The following ACP4 variants were observed in gnomAD, a reference collection of about 807,000 sequenced individuals.
ACP4 encodes the protein acid phosphatase 4.
ACP4 carries 49 observed loss-of-function variants against 47.3 expected under a neutral mutation model. The ratio of observed to expected loss-of-function variants is 1.04; its 90% confidence interval spans 0.82 to 1.32. The LOEUF is 1.32. Among genes scored for constraint, ACP4 ranks in the 40% most tolerant of loss-of-function variants. The probability of loss-of-function intolerance (pLI) is 0.00; values close to 1 mark genes in which losing one functional copy is unlikely to be tolerated. For missense variants in ACP4, 594 were observed against 579.3 expected (o/e 1.03, Z -0.26); for synonymous variants, 299 against 265.3 (o/e 1.13, Z -1.23).
Position 50,793,948 on chromosome 19 carries a change from T to G in ACP4, c.839T>G (p.Leu280Arg), listed in dbSNP as rs1246177714. Residue 280 changes from leucine (L) to arginine (R), a missense_variant, in exon 8 of 11, where the codon CTC becomes CGC. By Grantham distance (102) the Leu-to-Arg change is moderately radical (BLOSUM62 -2). Coordinates refer to ENST00000270593, the MANE Select transcript of ACP4 (RefSeq NM_033068.3). ...CGGGTCCAGCGCCTGGGGCTGCCCC[T>G]CAAGATGGTCATGTACTCAGCTGTG... Reference protein sequence around the residue: ...FSRVQRLGLPLKMVMYSAHDS... With the variant: ...FSRVQRLGLPRKMVMYSAHDS... 3.1e-6 allele frequency: 5 copies of G among 1,614,032 alleles called. No individual in the cohort carries two copies. The highest frequency in any genetic ancestry group is 4.2e-6 in the Non-Finnish European group (5 of 1,180,016).
In ACP4 at chr19:50,791,653, C is replaced by T; in HGVS notation, c.304-3C>T. 6.2e-7 allele frequency: 1 copy of T among 1,608,870 alleles called. No homozygotes were observed. Among genetic ancestry groups the T allele is most frequent in the Non-Finnish European group, 8.5e-7 (1 of 1,176,540 alleles). On this transcript the variant is annotated splice_polypyrimidine_tract_variant and splice_region_variant and intron_variant, in intron 3 of 10. Transcript: ENST00000270593. ...CGCGTGCCCTCTCTCCACCCCGCTCCAGGTGTACATCCGCAGCACGGACTT... is the reference window on the plus strand; with the variant it reads ...CGCGTGCCCTCTCTCCACCCCGCTCTAGGTGTACATCCGCAGCACGGACTT...
At position 50,791,822 on chromosome 19, in the gene ACP4, G is replaced by C. The variant is rs772355083; in HGVS notation, c.450+20G>C. ...GATAAGGTCAGGGGGCTGGACCCAC[G>C]TGTGGCGAGGGAGGGAGCGGGTGGA... On this transcript the variant is annotated intron_variant, in intron 4 of 10. Coordinates refer to ENST00000270593, the MANE Select transcript of ACP4 (RefSeq NM_033068.3). 2 of 1,573,592 alleles carry C rather than the reference G, an allele frequency of 1.3e-6. No homozygotes were observed. Among genetic ancestry groups the C allele is most frequent in the Non-Finnish European group, 1.7e-6 (2 of 1,156,830 alleles).
chr19:50,791,536 CAT>C (rs2089506326), intron 3 of ACP4, 118 bp from the exon 4 acceptor site: 5 of 1,393,764 alleles, frequency 3.6e-6, no homozygotes, highest in East Asian at 2.3e-5. Context: ...TCGAAGGCCA[CAT>C]GATTCTCAGT....
Position 50,794,469 on chromosome 19 carries a change from C to G in ACP4, c.874C>G (p.Leu292Val), listed in dbSNP as rs1469840222. 11 of 1,613,528 alleles carry G rather than the reference C, an allele frequency of 6.8e-6. No individual in the cohort carries two copies. Among genetic ancestry groups the G allele is most frequent in the South Asian group, 4.4e-5 (4 of 91,086 alleles). Reference protein sequence around the residue: ...MVMYSAHDSTLLALQGALGLY... With the variant: ...MVMYSAHDSTVLALQGALGLY... ...GGTCCACCTGCAGCATGACAGCACC[C>G]TGCTGGCCCTCCAGGGGGCCCTGGG... Residue 292 changes from leucine (L) to valine (V), a missense_variant, in exon 9 of 11, where the codon CTG (leucine) becomes GTG (valine). By Grantham distance (32) the Leu-to-Val change is conservative (BLOSUM62 1). Transcript: ENST00000270593.
chr19:50,794,997 G>C lies in ACP4; in HGVS notation c.1165+33G>C, dbSNP rs773566675. ...TCCTCTGTGTTGGGGTGGGAGTGGA[G>C]GGTTGCCAAGTCCTGGCACTCACCC... On this transcript the variant is annotated intron_variant, in intron 10 of 10. Transcript: ENST00000270593. The C allele has an allele frequency of 3.7e-6, 6 of 1,613,284 alleles. No individual in the cohort carries two copies. The Admixed American group carries it at 1.0e-4, about 27-fold the overall frequency.
chr19:50,794,961 C>G lies in ACP4; in HGVS notation c.1162C>G (p.Pro388Ala), dbSNP rs763447319. The G allele has an allele frequency of 1.3e-5, 21 of 1,613,002 alleles. No homozygotes were observed. The highest frequency in any genetic ancestry group is 1.5e-5 in the Non-Finnish European group (18 of 1,179,710). ...TGGCCCCTATGAGGCTGCCATCCCC[C>G]CAGGTGACAGTCCTCTGTGTTGGGG... ...CHGPYEAAIP[P>A]APVVPLLAGA... Residue 388 changes from proline to alanine, a missense_variant, in exon 10 of 11, where the codon CCA becomes GCA. Coordinates refer to ENST00000270593, the MANE Select transcript of ACP4 (RefSeq NM_033068.3).
rs368636631 is a variant in ACP4, at chr19:50,791,649, G to A, written c.304-7G>A. 129 of 1,607,008 alleles carry A rather than the reference G, an allele frequency of 8.0e-5. No individual in the cohort carries two copies. The highest frequency in any genetic ancestry group is 3.3e-4 in the Middle Eastern group (2 of 6,072). ...CCCCCGCGTGCCCTCTCTCCACCCCGCTCCAGGTGTACATCCGCAGCACGG... is the reference window on the plus strand; with the variant it reads ...CCCCCGCGTGCCCTCTCTCCACCCCACTCCAGGTGTACATCCGCAGCACGG... On this transcript the variant is annotated splice_polypyrimidine_tract_variant and splice_region_variant and intron_variant, in intron 3 of 10. Transcript: ENST00000270593.
rs2089507739 is a variant in ACP4, at chr19:50,791,643, C to T, written c.304-13C>T. ...CACGACCCCCCGCGTGCCCTCTCTCCACCCCGCTCCAGGTGTACATCCGCA... is the reference window on the plus strand; with the variant it reads ...CACGACCCCCCGCGTGCCCTCTCTCTACCCCGCTCCAGGTGTACATCCGCA... On this transcript the variant is annotated splice_polypyrimidine_tract_variant and intron_variant, in intron 3 of 10. Transcript: ENST00000270593. 1 of 1,604,550 alleles carries T rather than the reference C, an allele frequency of 6.2e-7. No individual in the cohort carries two copies. The highest frequency in any genetic ancestry group is 8.5e-7 in the Non-Finnish European group (1 of 1,173,592).
chr19:50,793,532 C>CA (rs1461454129), intron 6 of ACP4, 152 bp from the exon 7 acceptor site: 9 of 1,178,086 alleles, frequency 7.6e-6, no homozygotes, highest in Non-Finnish European at 9.4e-6. Context: ...AAAACAACAA[C>CA]AAAAAAACAC....
At chr19:50,791,864 G>A in intron 4 of ACP4, 62 bp downstream of exon 4, 1 of 1,522,388 alleles carries the variant, frequency 6.6e-7, no homozygotes, top group Non-Finnish European at 8.9e-7. Flanking sequence ...GGCAGCTCTG[G>A]GTCTGGCCGC....
At chr19:50,792,389 C>T (rs764586804) in intron 6 of ACP4, 52 bp downstream of exon 6, 21 of 1,564,462 alleles carry the variant, frequency 1.3e-5, no homozygotes, top group Non-Finnish European at 1.8e-5. Context: ...GTTTCCAATC[C>T]CAGCTTGCTA....
chr19:50,792,378 T>A, intron 6 of ACP4, 41 bp downstream of exon 6: 1 of 1,591,516 alleles, frequency 6.3e-7, no homozygotes, highest in East Asian at 2.2e-5. Context: ...TAAGGACACC[T>A]GTTTCCAATC....
rs1320635828 is a variant in ACP4 at position 50,790,849 on chromosome 19, C to T, written c.292C>T (p.Arg98Trp). Residue 98 changes from arginine (R) to tryptophan (W), a missense_variant, in exon 3 of 11, where the codon CGG becomes TGG. Arg to Trp is a moderately radical substitution (Grantham distance 101). Coordinates refer to ENST00000270593, the MANE Select transcript of ACP4 (RefSeq NM_033068.3). The stretch of plus-strand genomic sequence containing the variant: ...CGAGGCCTTCCTGAGTCCGGAGTAC[C>T]GGCGGGAGGAGGTAGGGCCATAGTG... The part of the protein sequence containing the change: ...RYEAFLSPEY[R>W]REEVYIRSTD... 12 of 1,547,584 alleles carry T rather than the reference C, an allele frequency of 7.8e-6. No homozygotes were observed. Among genetic ancestry groups the T allele is most frequent in the Admixed American group, 3.9e-5 (2 of 50,884 alleles).
At chr19:50,791,106 T>C (rs1029982094) in intron 3 of ACP4, among the ~76,000 whole-genome samples, 3 of 152,226 alleles carry the variant, frequency 2.0e-5, no homozygotes, top group Non-Finnish European at 4.4e-5. Flanking sequence ...CCTCCATCTC[T>C]GTTTTCTAAG....
Position 50,791,824 on chromosome 19 carries a change from G to A in ACP4, c.450+22G>A, listed in dbSNP as rs867585660. The A allele has an allele frequency of 3.8e-6, 6 of 1,572,684 alleles. No individual in the cohort carries two copies. In the Admixed American group the frequency reaches 9.2e-5, roughly 24 times the overall value. On this transcript the variant is annotated intron_variant, in intron 4 of 10. Transcript: ENST00000270593. Reference sequence around the variant, plus strand: ...TAAGGTCAGGGGGCTGGACCCACGTGTGGCGAGGGAGGGAGCGGGTGGAGA... The same window carrying A: ...TAAGGTCAGGGGGCTGGACCCACGTATGGCGAGGGAGGGAGCGGGTGGAGA...
At position 50,791,664 on chromosome 19, in the gene ACP4, C is replaced by T. The variant is rs781348831; in HGVS notation, c.312C>T (p.Ile104=). Residue 104 remains isoleucine, a synonymous_variant, in exon 4 of 11, where the codon ATC becomes ATT. Transcript: ENST00000270593. ...TCTCCACCCCGCTCCAGGTGTACAT[C>T]CGCAGCACGGACTTTGACCGCACGC... is the stretch of plus-strand genomic sequence containing the variant. ...SPEYRREEVY[I]RSTDFDRTLE... 1.2e-6 allele frequency: 2 copies of T among 1,612,102 alleles called. No individual in the cohort carries two copies. The highest frequency in any genetic ancestry group is 1.7e-4 in the Middle Eastern group (1 of 6,058).
chr19:50,792,457 T>A, intron 6 of ACP4, 120 bp downstream of exon 6: 2 of 1,016,778 alleles, frequency 2.0e-6, no homozygotes, highest in Non-Finnish European at 2.9e-6. Flanking sequence ...AGTTTTCCCA[T>A]CTGCACAGTG....
intron 9 of ACP4, 35 bp from the exon 10 acceptor site, chr19:50,794,751 G>A: frequency 2.5e-6 from 4 of 1,576,578 alleles, no homozygotes; most frequent in Non-Finnish European, 3.5e-6. Flanking sequence ...TCAATGACAG[G>A]AGGGAGGAGG....
chr19:50,791,988 G>GGCCGAGA (rs2089512775), intron 4 of ACP4, 85 bp from the exon 5 acceptor site: 1 of 1,476,672 alleles, frequency 6.8e-7, no homozygotes, highest in Non-Finnish European at 9.1e-7. Flanking sequence ...AAGACGCAGG[G>GGCCGAGA]GCCGAGAGCC....
Sources: allele counts gnomAD v4.1 joint callset (sites outside exome capture counted in the v4.1 genomes callset), GRCh38; gene constraint gnomAD v4.1.1; transcripts MANE v1.5; gene names NCBI Gene and HGNC (gene_info 2026-07-23, HGNC 2026-07-21).